The following CEP162 variants were observed in gnomAD, a reference collection of about 807,000 sequenced individuals.
CEP162 encodes the protein centrosomal protein 162.
A neutral mutation model predicts 169.2 loss-of-function variants in CEP162; 141 were observed. That is an observed-to-expected ratio of 0.83 (90% CI 0.73 to 0.96). The LOEUF (loss-of-function observed/expected upper bound fraction) is 0.96, where lower values mean the gene tolerates loss of function less well. Ranked by LOEUF, CEP162 falls within the 40% of genes least tolerant of loss-of-function variation. CEP162 has a pLI of 0.00. For missense variants in CEP162, 1,600 were observed against 1,587.2 expected, an observed-to-expected ratio of 1.01 and a Z score of -0.14; for synonymous variants, 540 against 526.4, an observed-to-expected ratio of 1.03 and a Z score of -0.35.
At position 84,196,701 on chromosome 6, in the gene CEP162, T is replaced by G. The variant is rs933696198; in HGVS notation, c.836-1626A>C. On this transcript the variant is annotated intron_variant, in intron 9 of 26. Transcript: ENST00000403245. ...CAGTTATTAAAAATAAAATAGTATA[T>G]ATAGTCTCATCTTCCTGTATATACA... is the stretch of plus-strand genomic sequence containing the variant. 1.2e-4 allele frequency among the ~76,000 whole-genome samples: 19 copies of G among 152,240 alleles called. No homozygotes were observed. The East Asian group carries it at 3.5e-3, about 28-fold the overall frequency.
rs2099530543 is a variant in CEP162 at position 84,172,460 on chromosome 6, C to G, written c.2167-742G>C. Among the ~76,000 whole-genome samples the G allele has an allele frequency of 3.3e-5, 5 of 152,154 alleles. No homozygotes were observed. In the South Asian group the frequency reaches 1.0e-3, roughly 32 times the overall value. ...TTGAGTATCTAATGCAAACTATAGA[C>G]TGTTTTACCATGTCTGGAATAGTGC... On this transcript the variant is annotated intron_variant, in intron 16 of 26. Transcript: ENST00000403245.
chr6:84,204,061 C>A lies in CEP162; in HGVS notation c.607G>T (p.Gly203Cys). The A allele has an allele frequency of 6.2e-7, 1 of 1,603,742 alleles. No homozygotes were observed. The highest frequency in any genetic ancestry group is 8.5e-7 in the Non-Finnish European group (1 of 1,175,146). ...YSDDFEDEYV[G>C]APLTTKDEEM... is the part of the protein sequence containing the mutation. ...TCATCTTTAGTAGTCAACGGTGCACCAACATACTCATCTTCAAAATCATCA... is the reference window on the plus strand; with the variant it reads ...TCATCTTTAGTAGTCAACGGTGCACAAACATACTCATCTTCAAAATCATCA... The change falls in exon 7 of 27, where the codon GGT (glycine) becomes TGT (cysteine). Residue 203 changes from glycine (G) to cysteine (C), a missense_variant. Physicochemically the swap from Gly to Cys is radical, Grantham distance 159. Transcript: ENST00000403245.
In CEP162 at chr6:84,174,208, T is replaced by C. The variant is rs1355624123; in HGVS notation, c.2026-20A>G. Reference sequence around the variant, plus strand: ...GCTTAACTTGGAGAAATTGCAGAAATTGTTTTATTTGGGGAAGGAAATGAT... The same window carrying C: ...GCTTAACTTGGAGAAATTGCAGAAACTGTTTTATTTGGGGAAGGAAATGAT... On this transcript the variant is annotated intron_variant, in intron 15 of 26. Coordinates refer to ENST00000403245, the MANE Select transcript of CEP162 (RefSeq NM_014895.4). 2 of 1,585,618 alleles carry C rather than the reference T, an allele frequency of 1.3e-6. No individual in the cohort carries two copies. Among genetic ancestry groups the C allele is most frequent in the African/African-American group, 1.4e-5 (1 of 73,864 alleles).
rs2099551117 is a variant in CEP162, at chr6:84,215,315, G to A, written c.470C>T (p.Ser157Phe). 1 of 1,594,476 alleles carries A rather than the reference G, an allele frequency of 6.3e-7. No homozygotes were observed. The highest frequency in any genetic ancestry group is 1.1e-5 in the South Asian group (1 of 88,660). The change falls in exon 5 of 27, where the codon TCT becomes TTT. Residue 157 changes from serine to phenylalanine, a missense_variant. Coordinates refer to ENST00000403245, the MANE Select transcript of CEP162 (RefSeq NM_014895.4). ...AGCTTTAAAATGTGTAGAGTCATTAGAATCCAATTCCTTATTTAATCTCGA... is the reference window on the plus strand; with the variant it reads ...AGCTTTAAAATGTGTAGAGTCATTAAAATCCAATTCCTTATTTAATCTCGA... ...DYSRLNKELDSNDSTHFKALH... is the reference protein window; with the variant it reads ...DYSRLNKELDFNDSTHFKALH...
intron 4 of CEP162, 31 bp from the exon 5 acceptor site, chr6:84,215,496 A>T (rs564073781): frequency 6.9e-7 from 1 of 1,454,478 alleles, no homozygotes; most frequent in Admixed American, 2.6e-5. Context: ...TATTTTAGTA[A>T]TATACAGAAT....
intron 20 of CEP162, 101 bp downstream of exon 20, chr6:84,161,645 C>T: frequency 4.8e-6 from 4 of 837,780 alleles, no homozygotes; most frequent in Non-Finnish European, 7.5e-6. Context: ...TAGTTCAGAT[C>T]TTAATTAATT....
At position 84,173,893 on chromosome 6, in the gene CEP162, C is replaced by G. The variant is rs7759068; in HGVS notation, c.2166+155G>C. ...AGAGATGGTGTTTCACCATGTTGGCCAGGCTGGTCTCGAACTCCTGACCTC... is the reference window on the plus strand; with the variant it reads ...AGAGATGGTGTTTCACCATGTTGGCGAGGCTGGTCTCGAACTCCTGACCTC... On this transcript the variant is annotated intron_variant, in intron 16 of 26. Coordinates refer to ENST00000403245, the MANE Select transcript of CEP162 (RefSeq NM_014895.4). 7.5e-3 allele frequency among the ~76,000 whole-genome samples: 1,140 copies of G among 152,116 alleles called. 19 individuals carry two copies. The highest frequency in any genetic ancestry group is 0.026 in the African/African-American group (1,076 of 41,494).
chr6:84,200,852 CTTG>C lies in CEP162; in HGVS notation c.769_771del (p.Gln257del). The C allele has an allele frequency of 6.2e-7, 1 of 1,612,550 alleles. No homozygotes were observed. Among genetic ancestry groups the C allele is most frequent in the Non-Finnish European group, 8.5e-7 (1 of 1,178,810 alleles). ...CACCTTGGCTTAGGTGTTATTTTAT[CTTG>C]TTCATCAAGATTGACCTCTGCAACA... On this transcript the variant is annotated inframe_deletion, in exon 9 of 27. Coordinates refer to ENST00000403245, the MANE Select transcript of CEP162 (RefSeq NM_014895.4).
chr6:84,201,626 T>C (rs2099544555), intron 8 of CEP162, 111 bp downstream of exon 8: 2 of 617,120 alleles, frequency 3.2e-6, no homozygotes, highest in Non-Finnish European at 2.9e-6. Flanking sequence ...TTCAATGCCT[T>C]AGAAATATTT....
intron 25 of CEP162, among the ~76,000 whole-genome samples, chr6:84,141,108 G>GC (rs144526623): frequency 0.044 from 6,667 of 152,162 alleles, 473 homozygotes; most frequent in African/African-American, 0.15. Flanking sequence ...ATGCTCACTC[G>GC]CCCCCTGCTC....
intron 13 of CEP162, 44 bp from the exon 14 acceptor site, chr6:84,175,391 T>C (rs199551396): frequency 1.5e-6 from 2 of 1,365,538 alleles, no homozygotes; most frequent in Admixed American, 2.4e-5. Context: ...AAATGTAAAG[T>C]TAAATGTATA....
In CEP162 at chr6:84,157,251, C is replaced by T. The variant is rs551160993; in HGVS notation, c.2782-1741G>A. Among the ~76,000 whole-genome samples, 8 of 152,248 alleles carry T rather than the reference C, an allele frequency of 5.3e-5. No homozygotes were observed. In the South Asian group the frequency reaches 1.5e-3, roughly 28 times the overall value. On this transcript the variant is annotated intron_variant, in intron 21 of 26. Coordinates refer to ENST00000403245, the MANE Select transcript of CEP162 (RefSeq NM_014895.4). ...TTTATAGCATGTCTCCAGATTGAAT[C>T]GAATGCACAGAAGCACAAATTAATT...
At chr6:84,178,174 C>A (rs978563436) in intron 13 of CEP162, among the ~76,000 whole-genome samples, 2 of 151,984 alleles carry the variant, frequency 1.3e-5, no homozygotes, top group African/African-American at 4.8e-5. Flanking sequence ...AAAGTTATGA[C>A]ATTTATGAGA....
At chr6:84,177,349 GT>G (rs1017694507) in intron 13 of CEP162, among the ~76,000 whole-genome samples, 3 of 152,050 alleles carry the variant, frequency 2.0e-5, no homozygotes, top group African/African-American at 7.2e-5. Context: ...AACTTTCTGG[GT>G]TTGGTTTTCT....
rs76557916 is a variant in CEP162, at chr6:84,129,901, T to C, written c.3871-3389A>G. Among the ~76,000 whole-genome samples the C allele has an allele frequency of 1.8e-3, 278 of 152,260 alleles. 3 individuals are homozygous for C. The highest frequency in any genetic ancestry group is 6.8e-3 in the Middle Eastern group (2 of 294). ...CCAGAACTTCCATTACTAAGTTGAA[T>C]TGAATAGGAGTGGTGAGAGAGGGCA... On this transcript the variant is annotated intron_variant, in intron 25 of 26. Coordinates refer to ENST00000403245, the MANE Select transcript of CEP162 (RefSeq NM_014895.4).
At chr6:84,191,689 C>G (rs1276148074) in intron 11 of CEP162, among the ~76,000 whole-genome samples, 1 of 152,162 alleles carries the variant, frequency 6.6e-6, no homozygotes, top group Non-Finnish European at 1.5e-5. Flanking sequence ...CTTTCAGATG[C>G]ATATAGCCCT....
chr6:84,214,575 A>G (rs1259846260), intron 5 of CEP162, among the ~76,000 whole-genome samples: 1 of 152,178 alleles, frequency 6.6e-6, no homozygotes, highest in African/African-American at 2.4e-5. Context: ...TTCTTTATCC[A>G]CTGTCTATAA....
chr6:84,175,245 G>A lies in CEP162; in HGVS notation c.1766C>T (p.Thr589Ile). Residue 589 changes from threonine (T) to isoleucine (I), a missense_variant, in exon 14 of 27, where the codon ACA (threonine) becomes ATA (isoleucine). Coordinates refer to ENST00000403245, the MANE Select transcript of CEP162 (RefSeq NM_014895.4). ...LSTRKKSENPTETDSCIQFQT... is the reference protein window; with the variant it reads ...LSTRKKSENPIETDSCIQFQT... ...AAACTGAATACAGGAATCAGTTTCT[G>A]TGGGATTTTCAGACTTCTTACGAGT... 6.5e-7 allele frequency: 1 copy of A among 1,542,020 alleles called. No homozygotes were observed. Among genetic ancestry groups the A allele is most frequent in the Non-Finnish European group, 8.8e-7 (1 of 1,141,424 alleles).
intron 25 of CEP162, among the ~76,000 whole-genome samples, chr6:84,139,264 CCA>C (rs1489355523): frequency 5.3e-5 from 8 of 152,256 alleles, no homozygotes; most frequent in African/African-American, 1.2e-4. Flanking sequence ...ATTTACATTC[CCA>C]CAGTTTCCCA....
Sources: allele counts gnomAD v4.1 joint callset (sites outside exome capture counted in the v4.1 genomes callset), GRCh38; gene constraint gnomAD v4.1.1; transcripts MANE v1.5; gene names NCBI Gene and HGNC (gene_info 2026-07-23, HGNC 2026-07-21).